Variants in SPACA9 observed in about 807,000 individuals in gnomAD.
SPACA9 encodes sperm acrosome associated 9.
SPACA9 carries 14 observed loss-of-function variants against 12.5 expected under a neutral mutation model. The ratio of observed to expected loss-of-function variants is 1.12; its 90% confidence interval spans 0.74 to 1.75. The LOEUF (loss-of-function observed/expected upper bound fraction) is 1.75. Among genes scored for constraint, SPACA9 ranks in the 40% most tolerant of loss-of-function variants. The probability of loss-of-function intolerance (pLI) is 0.00; values close to 1 mark genes in which losing one functional copy is unlikely to be tolerated. For missense variants in SPACA9, 292 were observed against 291.9 expected (o/e 1.00, Z 0.00); for synonymous variants, 111 against 114.1 (o/e 0.97, Z 0.17).
intron 2 of SPACA9, among the ~76,000 whole-genome samples, chr9:132,885,067 T>A (rs568048295): frequency 6.6e-6 from 1 of 151,446 alleles, no homozygotes; most frequent in African/African-American, 2.4e-5. Context: ...GAGCCGATAT[T>A]GCGCCACTGT....
At chr9:132,884,756 C>T (rs546137762) in intron 2 of SPACA9, among the ~76,000 whole-genome samples, 1 of 152,288 alleles carries the variant, frequency 6.6e-6, no homozygotes, top group South Asian at 2.1e-4. Flanking sequence ...GCGCAGGGCT[C>T]AGAACTGCAG....
At position 132,887,023 on chromosome 9, in the gene SPACA9, G is replaced by T. The variant is rs1180211157; in HGVS notation, c.145-346G>T. Reference sequence around the variant, plus strand: ...GATGGGGTTTCACCATGTTGACCAGGCTGGTCTCGAACTCCTGACCTCAAG... The same window carrying T: ...GATGGGGTTTCACCATGTTGACCAGTCTGGTCTCGAACTCCTGACCTCAAG... On this transcript the variant is annotated intron_variant, in intron 2 of 3. Coordinates refer to ENST00000356311, the MANE Select transcript of SPACA9 (RefSeq NM_001316897.2). The surrounding 1 kb of genome is among the most constrained non-coding windows in gnomAD (Gnocchi z 5.4). Among the ~76,000 whole-genome samples, 1 of 151,888 alleles carries T rather than the reference G, an allele frequency of 6.6e-6. No homozygotes were observed. The highest frequency in any genetic ancestry group is 1.5e-5 in the Non-Finnish European group (1 of 67,992).
intron 1 of SPACA9, among the ~76,000 whole-genome samples, chr9:132,880,737 C>A (rs1300013292): frequency 6.6e-6 from 1 of 151,950 alleles, no homozygotes; most frequent in Non-Finnish European, 1.5e-5. Context: ...TTTAGAATAA[C>A]ATGTCAAAAA....
chr9:132,884,781 C>T (rs564444127), intron 2 of SPACA9, among the ~76,000 whole-genome samples: 46 of 152,322 alleles, frequency 3.0e-4, no homozygotes, highest in Admixed American at 1.4e-3. Context: ...GAAACAGGCT[C>T]GGGAGGAACA....
At chr9:132,883,858 G>A in intron 1 of SPACA9, 53 bp from the exon 2 acceptor site, 10 of 1,404,940 alleles carry the variant, frequency 7.1e-6, no homozygotes, top group Non-Finnish European at 1.0e-5. Context: ...CTCCGGAGCT[G>A]GATCCGAGCA....
At position 132,887,753 on chromosome 9, in the gene SPACA9, C is replaced by T. The variant is rs569321125; in HGVS notation, c.347+182C>T. Among the ~76,000 whole-genome samples the T allele has an allele frequency of 1.8e-4, 28 of 152,274 alleles. No homozygotes were observed. The highest frequency in any genetic ancestry group is 3.4e-4 in the Non-Finnish European group (23 of 68,020). Reference sequence around the variant, plus strand: ...AACAAAACCTTTTCTTTACAACCATCGTAGACATGGCAGGACACCAGGTGT... The same window carrying T: ...AACAAAACCTTTTCTTTACAACCATTGTAGACATGGCAGGACACCAGGTGT... On this transcript the variant is annotated intron_variant, in intron 3 of 3. Coordinates refer to ENST00000356311, the MANE Select transcript of SPACA9 (RefSeq NM_001316897.2). The surrounding 1 kb of genome is among the most constrained non-coding windows in gnomAD (Gnocchi z 5.4).
intron 1 of SPACA9, among the ~76,000 whole-genome samples, chr9:132,882,462 CTTTTT>C (rs60513113): frequency 4.9e-5 from 6 of 123,512 alleles, no homozygotes; most frequent in Admixed American, 8.1e-5. Flanking sequence ...TACCCTGCCT[CTTTTT>C]TTTTTTTTTT....
At chr9:132,878,579 G>C (rs1844267847), upstream of SPACA9, 2 of 1,120,880 alleles carry the variant, frequency 1.8e-6, no homozygotes, top group African/African-American at 3.2e-5. This position sits in a 1 kb window ranked among gnomAD's most constrained non-coding sequence, Gnocchi z 4.7. Context: ...CCTCCGAGGG[G>C]ACGGGAGGCA....
At chr9:132,885,141 A>G (rs1489908603) in intron 2 of SPACA9, among the ~76,000 whole-genome samples, 1 of 151,970 alleles carries the variant, frequency 6.6e-6, no homozygotes, top group Non-Finnish European at 1.5e-5. Context: ...AACAAAAACA[A>G]AAACAAAAAA....
In SPACA9 at chr9:132,889,921, A is replaced by G. The variant is rs1844705226; in HGVS notation, c.*1310A>G. ...GTGTCCCTGGCTTCTGAGCTTGCCC[A>G]AAGTAATGTCTGACTGTTGGTTTTT... is the stretch of plus-strand genomic sequence containing the variant. On this transcript the variant is annotated 3_prime_UTR_variant, in exon 4 of 4. Coordinates refer to ENST00000356311, the MANE Select transcript of SPACA9 (RefSeq NM_001316897.2). 6.8e-7 allele frequency: 1 copy of G among 1,465,442 alleles called. No homozygotes were observed. Among genetic ancestry groups the G allele is most frequent in the South Asian group, 1.5e-5 (1 of 66,446 alleles). The allele number at this position is 1,465,442 out of a possible 1,614,324, so 90.8% of individuals were successfully genotyped here.
intron 1 of SPACA9, among the ~76,000 whole-genome samples, chr9:132,883,589 T>C (rs1844482491): frequency 6.6e-6 from 1 of 151,702 alleles, no homozygotes; most frequent in African/African-American, 2.4e-5. Context: ...TGTGCGCGCG[T>C]GTGTGTAGAT....
Position 132,887,402 on chromosome 9 carries a change from T to C in SPACA9, c.178T>C (p.Ser60Pro), listed in dbSNP as rs1410478980. ...CTACATGGAACACTACTGCAACAGC[T>C]CCACAGACCGGCGGGTTCTGCTCAT... is the stretch of plus-strand genomic sequence containing the variant. ...QSYMEHYCNSSTDRRVLLMFL... is the reference protein window; with the variant it reads ...QSYMEHYCNSPTDRRVLLMFL... Residue 60 changes from serine to proline, a missense_variant, in exon 3 of 4, where the codon TCC becomes CCC. Transcript: ENST00000356311. This position sits in a 1 kb window ranked among gnomAD's most constrained non-coding sequence, Gnocchi z 5.4. The C allele has an allele frequency of 4.3e-6, 7 of 1,613,308 alleles. No homozygotes were observed. The highest frequency in any genetic ancestry group is 1.3e-5 in the African/African-American group (1 of 74,974).
upstream of SPACA9, chr9:132,878,357 G>C (rs1031758587): frequency 1.3e-5 from 16 of 1,255,570 alleles, no homozygotes; most frequent in African/African-American, 2.2e-4. The surrounding 1 kb of genome is among the most constrained non-coding windows in gnomAD (Gnocchi z 4.7). Flanking sequence ...CAGGCTCCGC[G>C]CCGGGCCCAG....
rs1844618065 is a variant in SPACA9 at position 132,888,025 on chromosome 9, C to T, written c.348-265C>T. On this transcript the variant is annotated intron_variant, in intron 3 of 3. Transcript: ENST00000356311. This position sits in a 1 kb window ranked among gnomAD's most constrained non-coding sequence, Gnocchi z 5.0. ...AGAAGAGCCAGAGGGATGAGCCAGCCAGTTCCTCACCCCTAACCCAGGTTT... is the reference window on the plus strand; with the variant it reads ...AGAAGAGCCAGAGGGATGAGCCAGCTAGTTCCTCACCCCTAACCCAGGTTT... Among the ~76,000 whole-genome samples, 1 of 152,200 alleles carries T rather than the reference C, an allele frequency of 6.6e-6. No individual in the cohort carries two copies. Among genetic ancestry groups the T allele is most frequent in the South Asian group, 2.1e-4 (1 of 4,830 alleles).
Position 132,889,965 on chromosome 9 carries a change from T to G in SPACA9, c.*1354T>G, listed in dbSNP as rs575022813. On this transcript the variant is annotated 3_prime_UTR_variant, in exon 4 of 4. Coordinates refer to ENST00000356311, the MANE Select transcript of SPACA9 (RefSeq NM_001316897.2). ...GGTTTTTCCCTTCACAGGGGACGAC[T>G]TAGCTTCTGTATTATTGTTGCTTCC... 1 of 1,521,464 alleles carries G rather than the reference T, an allele frequency of 6.6e-7. No individual in the cohort carries two copies. The highest frequency in any genetic ancestry group is 1.4e-5 in the African/African-American group (1 of 71,752). The allele number at this position is 1,521,464 out of a possible 1,614,324, so 94.2% of individuals were successfully genotyped here.
rs1844659994 is a variant in SPACA9, at chr9:132,889,045, C to T, written c.*434C>T. 3 of 996,512 alleles carry T rather than the reference C, an allele frequency of 3.0e-6. 1 individual carries two copies. The South Asian group carries it at 1.3e-4, about 43-fold the overall frequency. The allele number at this position is 996,512 out of a possible 1,614,324, so 61.7% of individuals were successfully genotyped here. A position where few individuals can be genotyped will look rare whatever the true frequency, so the allele number is the denominator to read the frequency against. ...TCGGCCTCCCAAAGTGCTGGGATTA[C>T]AGGCGTGAGCCACAGCGCCCGGCCC... On this transcript the variant is annotated 3_prime_UTR_variant, in exon 4 of 4. Coordinates refer to ENST00000356311, the MANE Select transcript of SPACA9 (RefSeq NM_001316897.2).
intron 2 of SPACA9, among the ~76,000 whole-genome samples, chr9:132,886,520 G>A (rs1312676537): frequency 1.3e-5 from 2 of 152,222 alleles, no homozygotes; most frequent in African/African-American, 4.8e-5. Flanking sequence ...TTTAGGCGGT[G>A]GTTGGTTCAG....
At chr9:132,880,300 T>C (rs1207771961) in intron 1 of SPACA9, among the ~76,000 whole-genome samples, 4 of 152,194 alleles carry the variant, frequency 2.6e-5, no homozygotes, top group Non-Finnish European at 4.4e-5. Context: ...GCCCGTCCCC[T>C]GTGCCCTTCA....
chr9:132,879,784 C>T (rs557381374), intron 1 of SPACA9, among the ~76,000 whole-genome samples: 1 of 152,220 alleles, frequency 6.6e-6, no homozygotes, highest in Admixed American at 6.5e-5. Flanking sequence ...CAAACTCTCT[C>T]ATTTGACAGA....
Sources: gnomAD v4.1 joint callset for allele counts (sites outside exome capture counted in the v4.1 genomes callset) on GRCh38, gnomAD v4.1.1 for gene constraint, Gnocchi (gnomAD v3.1) non-coding constraint, MANE v1.5 for transcripts, NCBI Gene and HGNC (gene_info 2026-07-23, HGNC 2026-07-21) for gene names.